TMC1: variants seen among roughly 807,000 people sequenced by gnomAD.
TMC1 encodes transmembrane channel like 1.
TMC1 carries 84 observed loss-of-function variants against 105.8 expected under a neutral mutation model. The observed-to-expected ratio is 0.79, with a 90% CI of 0.67 to 0.95. TMC1 has a LOEUF of 0.95. Ranked by LOEUF, TMC1 falls within the 40% of genes least tolerant of loss-of-function variation. The pLI, the probability that TMC1 is intolerant of heterozygous loss-of-function variation, is 0.00. For synonymous variants in TMC1, 315 were observed against 311.5 expected, an observed-to-expected ratio of 1.01 and a Z score of -0.12; for missense variants, 817 against 914.1, an observed-to-expected ratio of 0.89 and a Z score of 1.37.
At chr9:72,525,229 C>CA (rs1222791817) in intron 1 of TMC1, among the ~76,000 whole-genome samples, 3 of 152,180 alleles carry the variant, frequency 2.0e-5, no homozygotes, top group African/African-American at 7.2e-5. Context: ...TTAGCCAAGT[C>CA]AGCATCTGTT....
intron 12 of TMC1, among the ~76,000 whole-genome samples, chr9:72,770,285 CATAT>C (rs1033172891): frequency 4.3e-4 from 63 of 145,254 alleles, no homozygotes; most frequent in Non-Finnish European, 1.8e-4. Flanking sequence ...CACACATATA[CATAT>C]ATATATATAT....
At chr9:72,618,534 T>C (rs1431871442) in intron 3 of TMC1, among the ~76,000 whole-genome samples, 1 of 151,738 alleles carries the variant, frequency 6.6e-6, no homozygotes, top group Non-Finnish European at 1.5e-5. Context: ...TGCATCCCTA[T>C]CGAGATAGAA....
chr9:72,800,657 T>TA (rs1828454038), intron 17 of TMC1, among the ~76,000 whole-genome samples: 1 of 149,082 alleles, frequency 6.7e-6, no homozygotes, highest in Non-Finnish European at 1.5e-5. Flanking sequence ...TTTTTTTTTT[T>TA]AAACCTGTCT....
chr9:72,750,934 G>A (rs1381191555), intron 10 of TMC1, among the ~76,000 whole-genome samples: 1 of 152,142 alleles, frequency 6.6e-6, no homozygotes, highest in Non-Finnish European at 1.5e-5. Flanking sequence ...TGCTTGAGCT[G>A]CTCTTCCCCA....
rs535933468 is a variant in TMC1, at chr9:72,704,255, G to A, written c.362+3612G>A. ...GATACTAAGCTCAGTGTAACTGAAA[G>A]AGATGTTTTGATCACAGCTTTGAAT... On this transcript the variant is annotated intron_variant, in intron 8 of 23. Transcript: ENST00000297784. 5.3e-5 allele frequency among the ~76,000 whole-genome samples: 8 copies of A among 152,308 alleles called. No homozygotes were observed. In the South Asian group the frequency reaches 1.0e-3, roughly 20 times the overall value.
chr9:72,782,520 A>G (rs182123101), intron 13 of TMC1, among the ~76,000 whole-genome samples: 36 of 152,300 alleles, frequency 2.4e-4, no homozygotes, highest in Non-Finnish European at 3.1e-4. Flanking sequence ...AAGTCAAACT[A>G]TCTCTCTTTG....
intron 5 of TMC1, among the ~76,000 whole-genome samples, chr9:72,673,033 G>A (rs1588024585): frequency 6.6e-6 from 1 of 152,096 alleles, no homozygotes. Flanking sequence ...AACTACAGTG[G>A]AATTAAGTTT....
chr9:72,739,430 G>A (rs1827352662), intron 8 of TMC1, among the ~76,000 whole-genome samples: 1 of 152,186 alleles, frequency 6.6e-6, no homozygotes, highest in Admixed American at 6.5e-5. Flanking sequence ...TATGTAGCAT[G>A]CTTGCATTAT....
In TMC1 at chr9:72,836,067, T is replaced by TA; in HGVS notation, c.*94_*95insA. On this transcript the variant is annotated 3_prime_UTR_variant, in exon 24 of 24. Coordinates refer to ENST00000297784, the MANE Select transcript of TMC1 (RefSeq NM_138691.3). ...GCCCAGAGAACAAGCACTGTGGAACTGCTATTTTCCTGTTCTACCCTTGAT... is the reference window on the plus strand; with the variant it reads ...GCCCAGAGAACAAGCACTGTGGAACTAGCTATTTTCCTGTTCTACCCTTGAT... The TA allele has an allele frequency of 7.0e-7, 1 of 1,422,926 alleles. No homozygotes were observed. Among genetic ancestry groups the TA allele is most frequent in the Non-Finnish European group, 9.9e-7 (1 of 1,013,972 alleles). The allele number at this position is 1,422,926 out of a possible 1,614,324, so 88.1% of individuals were successfully genotyped here. A position where few individuals can be genotyped will look rare whatever the true frequency, so the allele number is the denominator to read the frequency against.
At chr9:72,746,599 A>G (rs1353040221) in intron 10 of TMC1, among the ~76,000 whole-genome samples, 1 of 152,176 alleles carries the variant, frequency 6.6e-6, no homozygotes. Flanking sequence ...TCCAAAATTA[A>G]CAGCCTTTAC....
intron 23 of TMC1, among the ~76,000 whole-genome samples, chr9:72,834,028 T>G (rs537612427): frequency 7.1e-6 from 1 of 140,424 alleles, no homozygotes; most frequent in African/African-American, 2.7e-5. Flanking sequence ...CCATTTTCTG[T>G]TTTTTTTTTT....
At chr9:72,764,560 C>A (rs1827802605) in intron 12 of TMC1, among the ~76,000 whole-genome samples, 2 of 152,172 alleles carry the variant, frequency 1.3e-5, no homozygotes. Context: ...CTCTCAGACA[C>A]TTCTTTGGTG....
intron 1 of TMC1, 117 bp from the exon 2 acceptor site, chr9:72,577,785 A>G (rs1158080668): frequency 2.6e-5 from 4 of 152,142 alleles, no homozygotes; most frequent in Non-Finnish European, 4.4e-5. Context: ...AAACATGCCA[A>G]CTGAGTTATG....
intron 20 of TMC1, among the ~76,000 whole-genome samples, chr9:72,823,915 A>G (rs1416147387): frequency 1.3e-5 from 2 of 152,212 alleles, no homozygotes; most frequent in Non-Finnish European, 2.9e-5. Context: ...AATCTTGAAA[A>G]CCTGAAATAA....
At chr9:72,834,597 T>C (rs1829092363) in intron 23 of TMC1, among the ~76,000 whole-genome samples, 1 of 152,184 alleles carries the variant, frequency 6.6e-6, no homozygotes, top group Admixed American at 6.5e-5. Context: ...CTGTAGCACC[T>C]GAGTGGGAAA....
intron 5 of TMC1, among the ~76,000 whole-genome samples, chr9:72,680,178 A>T (rs1395050491): frequency 1.3e-5 from 2 of 152,116 alleles, no homozygotes; most frequent in African/African-American, 2.4e-5. Flanking sequence ...CCATTCTAAC[A>T]TTGTCAATCC....
intron 8 of TMC1, among the ~76,000 whole-genome samples, chr9:72,703,096 A>G (rs967340756): frequency 6.6e-6 from 1 of 152,032 alleles, no homozygotes; most frequent in African/African-American, 2.4e-5. Context: ...TTTCTTTATC[A>G]TAATTTTTTT....
intron 13 of TMC1, among the ~76,000 whole-genome samples, chr9:72,786,729 T>C (rs1402967395): frequency 6.6e-6 from 1 of 152,194 alleles, no homozygotes; most frequent in African/African-American, 2.4e-5. Flanking sequence ...CATCTTTCCT[T>C]ATTCCTTTCA....
At chr9:72,624,671 T>C (rs544646063) in intron 3 of TMC1, among the ~76,000 whole-genome samples, 2 of 152,340 alleles carry the variant, frequency 1.3e-5, no homozygotes, top group African/African-American at 4.8e-5. Flanking sequence ...AGCCCAATTA[T>C]GCACCAGGCC....
Sources: allele counts gnomAD v4.1 joint callset (sites outside exome capture counted in the v4.1 genomes callset), GRCh38; gene constraint gnomAD v4.1.1; transcripts MANE v1.5; gene names NCBI Gene and HGNC (gene_info 2026-07-23, HGNC 2026-07-21).